Variants in DPP10 observed in about 807,000 individuals in gnomAD.
DPP10 encodes the protein dipeptidyl peptidase like 10.
In DPP10, 33 loss-of-function variants were observed where a neutral mutation model predicts 120.9. The observed-to-expected ratio is 0.27, with a 90% CI of 0.21 to 0.37. The LOEUF (loss-of-function observed/expected upper bound fraction) is 0.37. DPP10 is among the 10% of genes least tolerant of loss of function. The pLI is 1.00. For synonymous variants in DPP10, 337 were observed against 326.1 expected, an observed-to-expected ratio of 1.03 and a Z score of -0.36; for missense variants, 816 against 942.8, an observed-to-expected ratio of 0.87 and a Z score of 1.76.
chr2:115,810,130 C>T (rs886813232), intron 19 of DPP10, among the ~76,000 whole-genome samples: 6 of 151,614 alleles, frequency 4.0e-5, no homozygotes, highest in African/African-American at 1.2e-4. Flanking sequence ...CCACTGCACT[C>T]CAGCCTGGGC....
Position 115,797,658 on chromosome 2 carries a change from G to A in DPP10, c.1700+6302G>A, listed in dbSNP as rs866337687. 5.3e-5 allele frequency among the ~76,000 whole-genome samples: 8 copies of A among 151,964 alleles called. No homozygotes were observed. The East Asian group carries it at 5.8e-4, about 11-fold the overall frequency. On this transcript the variant is annotated intron_variant, in intron 19 of 25. Coordinates refer to ENST00000410059, the MANE Select transcript of DPP10 (RefSeq NM_020868.6). ...ATAGAAAATGACTAAGAAGAAAAAA[G>A]GCAGTGGCATTTAATCTTGTTAATA...
intron 1 of DPP10, among the ~76,000 whole-genome samples, chr2:114,550,872 T>C (rs2104869915): frequency 6.6e-6 from 1 of 152,316 alleles, no homozygotes; most frequent in South Asian, 2.1e-4. Flanking sequence ...GTGCAAATGG[T>C]CTTTCAATTC....
At chr2:115,328,077 TA>T (rs2062470734) in intron 2 of DPP10, among the ~76,000 whole-genome samples, 1 of 151,980 alleles carries the variant, frequency 6.6e-6, no homozygotes, top group South Asian at 2.1e-4. Context: ...TGTAGGCTAA[TA>T]AAGACATGCA....
At chr2:114,597,332 C>G (rs995719831) in intron 1 of DPP10, among the ~76,000 whole-genome samples, 8 of 151,908 alleles carry the variant, frequency 5.3e-5, no homozygotes, top group Non-Finnish European at 8.8e-5. Context: ...TTCAGTCTTA[C>G]AAGTTTGGAT....
chr2:114,811,116 T>C (rs761175985), intron 1 of DPP10, among the ~76,000 whole-genome samples: 1 of 152,120 alleles, frequency 6.6e-6, no homozygotes, highest in Non-Finnish European at 1.5e-5. Flanking sequence ...GAGTAAACTT[T>C]CACAGGACAG....
intron 3 of DPP10, among the ~76,000 whole-genome samples, chr2:115,432,044 T>C (rs898026115): frequency 3.3e-5 from 5 of 152,134 alleles, no homozygotes; most frequent in Non-Finnish European, 5.9e-5. Context: ...AGTTAAGCTC[T>C]ATAAATTACC....
At chr2:115,789,630 A>G (rs1301076995) in intron 17 of DPP10, among the ~76,000 whole-genome samples, 1 of 152,230 alleles carries the variant, frequency 6.6e-6, no homozygotes, top group Non-Finnish European at 1.5e-5. Context: ...TAAAGTGGGT[A>G]AGACAAAGAA....
intron 1 of DPP10, among the ~76,000 whole-genome samples, chr2:115,301,636 T>C (rs896356203): frequency 6.6e-6 from 1 of 152,028 alleles, no homozygotes; most frequent in South Asian, 2.1e-4. Context: ...CCCAAAAAGC[T>C]GTTTTAGTGA....
intron 2 of DPP10, among the ~76,000 whole-genome samples, chr2:115,310,426 G>A (rs926414559): frequency 2.0e-5 from 3 of 152,088 alleles, no homozygotes; most frequent in Non-Finnish European, 2.9e-5. Context: ...GAGACACTTC[G>A]TGAGATATAC....
chr2:115,195,688 G>C (rs959461444), intron 1 of DPP10, among the ~76,000 whole-genome samples: 1 of 151,972 alleles, frequency 6.6e-6, no homozygotes, highest in Non-Finnish European at 1.5e-5. Flanking sequence ...TGTTCATTTA[G>C]AAGTGGTAAA....
chr2:115,506,210 A>G (rs929970466), intron 4 of DPP10, among the ~76,000 whole-genome samples: 1 of 152,114 alleles, frequency 6.6e-6, no homozygotes, highest in African/African-American at 2.4e-5. Flanking sequence ...ACTTCACATT[A>G]CATAATACAG....
intron 1 of DPP10, among the ~76,000 whole-genome samples, chr2:114,741,724 A>G (rs550065953): frequency 1.3e-5 from 2 of 152,308 alleles, no homozygotes; most frequent in East Asian, 3.9e-4. Context: ...CCACGTGAAC[A>G]TAGAAACACA....
intron 5 of DPP10, among the ~76,000 whole-genome samples, chr2:115,600,900 A>G (rs962149771): frequency 5.9e-5 from 9 of 152,230 alleles, no homozygotes; most frequent in African/African-American, 1.7e-4. Flanking sequence ...GGGGACACAA[A>G]TTCACATTTC....
At chr2:115,688,034 A>AAGAGAGAGAGAGAGAAAAAGAGAG (rs2091101524) in intron 5 of DPP10, among the ~76,000 whole-genome samples, 1 of 150,200 alleles carries the variant, frequency 6.7e-6, no homozygotes, top group Admixed American at 6.7e-5. Context: ...GAGAGAGAAA[A>AAGAGAGAGAGAGAGAAAAAGAGAG]AGAGAGAGAG....
chr2:114,713,692 G>A (rs1034625547), intron 1 of DPP10, among the ~76,000 whole-genome samples: 2 of 152,100 alleles, frequency 1.3e-5, no homozygotes, highest in Non-Finnish European at 2.9e-5. Flanking sequence ...AAGGATGGGT[G>A]CTAAAAGTAC....
intron 1 of DPP10, among the ~76,000 whole-genome samples, chr2:114,516,683 C>T (rs1259855417): frequency 6.6e-6 from 1 of 152,178 alleles, no homozygotes; most frequent in African/African-American, 2.4e-5. Context: ...TACCAAATTA[C>T]AAGAAAGCAT....
intron 5 of DPP10, among the ~76,000 whole-genome samples, chr2:115,564,835 A>G (rs1056928696): frequency 6.6e-6 from 1 of 152,198 alleles, no homozygotes; most frequent in Non-Finnish European, 1.5e-5. Flanking sequence ...TTTGTCTTTT[A>G]TTGATAGAAG....
intron 1 of DPP10, among the ~76,000 whole-genome samples, chr2:115,286,519 T>TA (rs2060395678): frequency 4.6e-5 from 2 of 43,472 alleles, no homozygotes; most frequent in Admixed American, 3.0e-4. Context: ...ATATAATATA[T>TA]ATATATAATA....
At chr2:114,731,292 G>C (rs977759253) in intron 1 of DPP10, among the ~76,000 whole-genome samples, 1 of 151,414 alleles carries the variant, frequency 6.6e-6, no homozygotes, top group East Asian at 1.9e-4. Flanking sequence ...AAATTTCCAA[G>C]AATGCCTGGT....
Sources: gnomAD v4.1 joint callset for allele counts (sites outside exome capture counted in the v4.1 genomes callset) on GRCh38, gnomAD v4.1.1 for gene constraint, MANE v1.5 for transcripts, NCBI Gene and HGNC (gene_info 2026-07-23, HGNC 2026-07-21) for gene names.